ERMAP: variants seen among roughly 807,000 people sequenced by gnomAD.
ERMAP encodes erythroblast membrane associated protein (Scianna blood group), also known as erythroid membrane-associated protein.
In ERMAP, 34 loss-of-function variants were observed where a neutral mutation model predicts 49.5. That is an observed-to-expected ratio of 0.69 (90% CI 0.52 to 0.91). The LOEUF is 0.91. ERMAP is among the 40% of genes least tolerant of loss of function. ERMAP has a pLI of 0.00. For synonymous variants in ERMAP, 214 were observed against 232.2 expected (o/e 0.92, Z 0.71); for missense variants, 541 against 582.6 (o/e 0.93, Z 0.74).
chr1:42,830,259 A>T, intron 2 of ERMAP, 185 bp from the exon 3 acceptor site: 1 of 597,950 alleles, frequency 1.7e-6, no homozygotes, highest in Non-Finnish European at 3.0e-6. Context: ...AGATGAAGAA[A>T]CACAGTCTCA....
Position 42,835,047 on chromosome 1 carries a change from T to C in ERMAP, c.443T>C (p.Val148Ala). ...GTGGTTTCTGTTTCAGCCCCATCTG[T>C]GGGGAGTCTCTCCCCCTCAGCAGTG... ...TVILQVAAPS[V>A]GSLSPSAVAL... The change falls in exon 5 of 12, where the codon GTG becomes GCG. Residue 148 changes from valine to alanine, a missense_variant. Physicochemically the swap from Val to Ala is moderately conservative, Grantham distance 64 (BLOSUM62 0). Transcript: ENST00000372517. 1 of 1,381,260 alleles carries C rather than the reference T, an allele frequency of 7.2e-7. No homozygotes were observed. Among genetic ancestry groups the C allele is most frequent in the Non-Finnish European group, 1.0e-6 (1 of 967,136 alleles). The allele number at this position is 1,381,260 out of a possible 1,614,324, so 85.6% of individuals were successfully genotyped here. A position where few individuals can be genotyped will look rare whatever the true frequency, so the allele number is the denominator to read the frequency against.
chr1:42,839,871 C>T (rs937267679), intron 8 of ERMAP, among the ~76,000 whole-genome samples, 162 bp from the exon 9 acceptor site: 1 of 152,132 alleles, frequency 6.6e-6, no homozygotes, highest in Non-Finnish European at 1.5e-5. Context: ...TCCCATGGTC[C>T]ACAGCTGGGA....
At chr1:42,829,242 T>C (rs1214509555) in intron 2 of ERMAP, among the ~76,000 whole-genome samples, 1 of 152,152 alleles carries the variant, frequency 6.6e-6, no homozygotes, top group Non-Finnish European at 1.5e-5. Flanking sequence ...CCTAAACCAG[T>C]GTGCTTTTTG....
chr1:42,840,464 A>T (rs141787727), intron 11 of ERMAP, among the ~76,000 whole-genome samples, 168 bp downstream of exon 11: 2 of 152,254 alleles, frequency 1.3e-5, no homozygotes, highest in East Asian at 3.9e-4. Context: ...ATCGATCTTG[A>T]GGTCATATTT....
intron 11 of ERMAP, 89 bp from the exon 12 acceptor site, chr1:42,842,428 A>C: frequency 8.5e-7 from 1 of 1,172,918 alleles, no homozygotes; most frequent in Non-Finnish European, 1.2e-6. Context: ...CAGTGATGGC[A>C]GACCTAAGAT....
chr1:42,837,022 T>G, intron 6 of ERMAP, 136 bp from the exon 7 acceptor site: 4 of 819,402 alleles, frequency 4.9e-6, no homozygotes, highest in Non-Finnish European at 8.0e-6. Flanking sequence ...CAGGTGAGAG[T>G]TGATTAGAGA....
At position 42,844,027 on chromosome 1, in the gene ERMAP, G is replaced by A; in HGVS notation, c.*795G>A. On this transcript the variant is annotated 3_prime_UTR_variant, in exon 12 of 12. Coordinates refer to ENST00000372517, the MANE Select transcript of ERMAP (RefSeq NM_001017922.2). The surrounding 1 kb of genome is among the most constrained non-coding windows in gnomAD (Gnocchi z 4.0). ...GACCTTCAGAGGCTCAGTCTGTTGA[G>A]TCTGTTGTGACTGTCTTATGAATCA... 2.5e-6 allele frequency: 1 copy of A among 398,578 alleles called. No individual in the cohort carries two copies. Among genetic ancestry groups the A allele is most frequent in the Non-Finnish European group, 4.4e-6 (1 of 226,030 alleles). 24.7% of individuals were successfully genotyped at this position (398,578 alleles called of 1,614,324 possible).
rs1328254394 is a variant in ERMAP at position 42,831,267 on chromosome 1, T to C, written c.433+152T>C. On this transcript the variant is annotated intron_variant, in intron 4 of 11. Transcript: ENST00000372517. ...GCTCAGCCTTACCCAGCCATGTCCATTGATCTCAGCTGAGGCTGTGAAGCT... is the reference window on the plus strand; with the variant it reads ...GCTCAGCCTTACCCAGCCATGTCCACTGATCTCAGCTGAGGCTGTGAAGCT... The C allele has an allele frequency of 2.9e-5, 29 of 999,568 alleles. No individual in the cohort carries two copies. In the East Asian group the frequency reaches 4.5e-4, roughly 15 times the overall value. 61.9% of individuals were successfully genotyped at this position (999,568 alleles called of 1,614,324 possible). A position where few individuals can be genotyped will look rare whatever the true frequency, so the allele number is the denominator to read the frequency against.
chr1:42,839,750 A>C, intron 8 of ERMAP: 1 of 522,616 alleles, frequency 1.9e-6, no homozygotes, highest in Non-Finnish European at 3.4e-6. Flanking sequence ...ACATCTACAT[A>C]ATTTATGTTG....
chr1:42,830,721 T>C, intron 3 of ERMAP, 47 bp from the exon 4 acceptor site: 2 of 1,481,832 alleles, frequency 1.3e-6, no homozygotes, highest in Admixed American at 2.2e-5. Context: ...TTCCCAAGCT[T>C]TCTCCTGCCG....
At chr1:42,837,046 G>A (rs1199044500) in intron 6 of ERMAP, 112 bp from the exon 7 acceptor site, 4 of 1,049,820 alleles carry the variant, frequency 3.8e-6, no homozygotes, top group Non-Finnish European at 1.5e-6. Context: ...GATCAGGGAG[G>A]TGGAGGTGAA....
At chr1:42,822,157 T>C (rs895315958) in intron 1 of ERMAP, among the ~76,000 whole-genome samples, 2 of 151,870 alleles carry the variant, frequency 1.3e-5, no homozygotes, top group African/African-American at 4.8e-5. Context: ...AGCACTGCTT[T>C]ATATTTATAT....
chr1:42,828,933 G>C (rs1347032498), intron 2 of ERMAP, among the ~76,000 whole-genome samples: 4 of 152,150 alleles, frequency 2.6e-5, no homozygotes, highest in African/African-American at 9.7e-5. Context: ...TGTCTACCCA[G>C]GGTGTGCTTC....
intron 2 of ERMAP, 82 bp from the exon 3 acceptor site, chr1:42,830,362 C>T (rs1654680492): frequency 1.6e-6 from 2 of 1,239,064 alleles, no homozygotes; most frequent in Non-Finnish European, 2.4e-6. Flanking sequence ...GCAATACCGT[C>T]TCGGCCTCGG....
chr1:42,823,805 AAC>A (rs772314287), intron 1 of ERMAP, among the ~76,000 whole-genome samples: 57 of 152,378 alleles, frequency 3.7e-4, no homozygotes, highest in Non-Finnish European at 6.2e-4. Flanking sequence ...TAAAATTTGT[AAC>A]TTCTACTACA....
chr1:42,817,322 G>A, intron 1 of ERMAP, 69 bp downstream of exon 1: 2 of 1,113,870 alleles, frequency 1.8e-6, no homozygotes, highest in Non-Finnish European at 2.3e-6. Context: ...CCTGGGCGGG[G>A]CCGCGCGCCG....
At chr1:42,824,188 C>A (rs1237333317) in intron 1 of ERMAP, among the ~76,000 whole-genome samples, 6 of 147,520 alleles carry the variant, frequency 4.1e-5, no homozygotes, top group Non-Finnish European at 4.5e-5. Flanking sequence ...ACTAAAAATA[C>A]AAAAAAAAAA....
In ERMAP at chr1:42,835,724, C is replaced by A. The variant is rs1433780384; in HGVS notation, c.551-8C>A. On this transcript the variant is annotated splice_region_variant and splice_polypyrimidine_tract_variant and intron_variant, in intron 5 of 11. Transcript: ENST00000372517. ...TAAGCTGAGCTGGCATTTCTCTCTC[C>A]CTTTTAGAAAAGCTTCTCTATGAAC... 3 of 1,611,134 alleles carry A rather than the reference C, an allele frequency of 1.9e-6. No homozygotes were observed. The highest frequency in any genetic ancestry group is 2.5e-6 in the Non-Finnish European group (3 of 1,178,830).
Position 42,843,329 on chromosome 1 carries a change from C to A in ERMAP, c.*97C>A, listed in dbSNP as rs1022011522. 10 of 857,778 alleles carry A rather than the reference C, an allele frequency of 1.2e-5. No individual in the cohort carries two copies. In the Admixed American group the frequency reaches 1.2e-4, roughly 10 times the overall value. 53.1% of individuals were successfully genotyped at this position (857,778 alleles called of 1,614,324 possible). ...CCATGATTATGGAACGTCTCTTCAC[C>A]TTAACCCAAATCCAGACCCTTTTGT... is the stretch of plus-strand genomic sequence containing the variant. On this transcript the variant is annotated 3_prime_UTR_variant, in exon 12 of 12. Transcript: ENST00000372517.
Sources: gnomAD v4.1 joint callset for allele counts (sites outside exome capture counted in the v4.1 genomes callset) on GRCh38, gnomAD v4.1.1 for gene constraint, Gnocchi (gnomAD v3.1) non-coding constraint, MANE v1.5 for transcripts, NCBI Gene and HGNC (gene_info 2026-07-23, HGNC 2026-07-21) for gene names.